The following SPINK7 variants were observed in gnomAD, a reference collection of about 807,000 sequenced individuals.
SPINK7 encodes serine protease inhibitor Kazal-type 7.
A neutral mutation model predicts 11.6 loss-of-function variants in SPINK7; 8 were observed. That is an observed-to-expected ratio of 0.69 (90% CI 0.41 to 1.25). The LOEUF is 1.25. Among genes scored for constraint, SPINK7 ranks in the 50% most tolerant of loss-of-function variants. The pLI, the probability that SPINK7 is intolerant of heterozygous loss-of-function variation, is 0.01. For missense variants in SPINK7, 113 were observed against 99.3 expected (o/e 1.14, Z -0.58); for synonymous variants, 38 against 35.3 (o/e 1.08, Z -0.27).
At chr5:148,314,506 C>T in intron 3 of SPINK7, 1 of 473,722 alleles carries the variant, frequency 2.1e-6, no homozygotes, top group Non-Finnish European at 3.8e-6. Context: ...ACTGCTGTCC[C>T]CAGAGCACAG....
intron 3 of SPINK7, 106 bp downstream of exon 3, chr5:148,314,330 A>G: frequency 2.7e-5 from 35 of 1,305,048 alleles, no homozygotes; most frequent in Non-Finnish European, 3.7e-5. Context: ...TGTAATTTAT[A>G]ATTATTCCCA....
chr5:148,314,648 GC>G (rs1274303180), intron 3 of SPINK7: 1 of 160,820 alleles, frequency 6.2e-6, no homozygotes, highest in African/African-American at 2.4e-5. Flanking sequence ...TGAAGAAAGG[GC>G]CCTGAATCCC....
Position 148,312,533 on chromosome 5 carries a change from G to A in SPINK7, c.50G>A (p.Cys17Tyr). ...LLLLCTVVYFCSSSEAASLSP... is the reference protein window; with the variant it reads ...LLLLCTVVYFYSSSEAASLSP... Reference sequence around the variant, plus strand: ...CTGCTCTGTACAGTGGTCTATTTCTGTAGCAGCTCAGGTAAGTTAAGGTCA... The same window carrying A: ...CTGCTCTGTACAGTGGTCTATTTCTATAGCAGCTCAGGTAAGTTAAGGTCA... The change falls in exon 1 of 4, where the codon TGT becomes TAT. Residue 17 changes from cysteine to tyrosine, a missense_variant. Physicochemically the swap from Cys to Tyr is radical, Grantham distance 194. Transcript: ENST00000274565. 8 of 1,606,410 alleles carry A rather than the reference G, an allele frequency of 5.0e-6. No homozygotes were observed. Among genetic ancestry groups the A allele is most frequent in the Non-Finnish European group, 6.8e-6 (8 of 1,174,396 alleles).
At chr5:148,315,590 A>G in intron 3 of SPINK7, 49 bp from the exon 4 acceptor site, 1 of 1,204,912 alleles carries the variant, frequency 8.3e-7, no homozygotes, top group South Asian at 1.2e-5. Context: ...AACATTACAT[A>G]AAATTTCCTC....
chr5:148,313,071 A>G (rs1245509898), intron 1 of SPINK7, among the ~76,000 whole-genome samples: 3 of 152,090 alleles, frequency 2.0e-5, no homozygotes, highest in Non-Finnish European at 4.4e-5. Context: ...GATGATTTTA[A>G]TACTTCTTAT....
Position 148,312,527 on chromosome 5 carries a change from A to T in SPINK7, c.44A>T (p.Tyr15Phe). The T allele has an allele frequency of 6.2e-7, 1 of 1,608,708 alleles. No homozygotes were observed. The change falls in exon 1 of 4, where the codon TAT (tyrosine) becomes TTT (phenylalanine). Residue 15 changes from tyrosine (Y) to phenylalanine (F), a missense_variant. Physicochemically the swap from Tyr to Phe is conservative, Grantham distance 22. Coordinates refer to ENST00000274565, the MANE Select transcript of SPINK7 (RefSeq NM_032566.3). ...CTCCTTCTGCTCTGTACAGTGGTCT[A>T]TTTCTGTAGCAGCTCAGGTAAGTTA... Reference protein sequence around the residue: ...GGLLLLCTVVYFCSSSEAASL... With the variant: ...GGLLLLCTVVFFCSSSEAASL...
intron 3 of SPINK7, 83 bp from the exon 4 acceptor site, chr5:148,315,546 CTGCCTCATAA>C (rs1425061162): frequency 1.5e-6 from 1 of 675,576 alleles, no homozygotes; most frequent in East Asian, 2.6e-5. Context: ...AAATGAGGTG[CTGCCTCATAA>C]TCTCTATAGT....
intron 1 of SPINK7, 101 bp downstream of exon 1, chr5:148,312,645 AT>A (rs1756875413): frequency 1.4e-6 from 1 of 708,730 alleles, no homozygotes; most frequent in Middle Eastern, 2.9e-4. Flanking sequence ...GGTTGTAAGA[AT>A]TTAAAGTGTA....
At chr5:148,313,880 T>C (rs1238235073) in intron 2 of SPINK7, 3 of 567,000 alleles carry the variant, frequency 5.3e-6, no homozygotes, top group Non-Finnish European at 9.2e-6. Context: ...GTTTAACGCC[T>C]AGCCCAGAAA....
chr5:148,314,339 C>T (rs1442082412), intron 3 of SPINK7, 115 bp downstream of exon 3: 2 of 1,202,496 alleles, frequency 1.7e-6, no homozygotes, highest in Non-Finnish European at 2.4e-6. Flanking sequence ...TAATTATTCC[C>T]ACCCAGAACA....
intron 2 of SPINK7, chr5:148,313,869 A>C (rs1182121017): frequency 1.9e-6 from 1 of 537,386 alleles, no homozygotes; most frequent in East Asian, 2.8e-5. Context: ...GCAAGATTTA[A>C]GTTTAACGCC....
At chr5:148,313,992 C>G (rs1284327364) in intron 2 of SPINK7, 108 bp from the exon 3 acceptor site, 6 of 1,419,258 alleles carry the variant, frequency 4.2e-6, no homozygotes, top group Non-Finnish European at 4.9e-6. Context: ...AGTGGCCAAG[C>G]AACATCTGAA....
At position 148,314,218 on chromosome 5, in the gene SPINK7, A is replaced by G; in HGVS notation, c.206A>G (p.Glu69Gly). The G allele has an allele frequency of 6.2e-7, 1 of 1,613,656 alleles. No homozygotes were observed. Among genetic ancestry groups the G allele is most frequent in the Non-Finnish European group, 8.5e-7 (1 of 1,179,678 alleles). The change falls in exon 3 of 4, where the codon GAG (glutamate) becomes GGG (glycine). Residue 69 changes from glutamate (E) to glycine (G), a missense_variant. Glu to Gly is a moderately conservative substitution (Grantham distance 98). Coordinates refer to ENST00000274565, the MANE Select transcript of SPINK7 (RefSeq NM_032566.3). ...GGGAATGAATGTCACTTGTGTACCGAGAGCTTGTGAGTACCTCATAAGAAG... is the reference window on the plus strand; with the variant it reads ...GGGAATGAATGTCACTTGTGTACCGGGAGCTTGTGAGTACCTCATAAGAAG... ...TYGNECHLCT[E>G]SLKSNGRVQF...
At chr5:148,313,821 T>C (rs2113398749) in intron 2 of SPINK7, 1 of 500,734 alleles carries the variant, frequency 2.0e-6, no homozygotes, top group African/African-American at 1.9e-5. Context: ...TAGTAGAATT[T>C]ACTCTAGTTG....
Position 148,315,892 on chromosome 5 carries a change from C to A in SPINK7, c.*208C>A. 5.1e-6 allele frequency: 2 copies of A among 391,690 alleles called. No homozygotes were observed. Among genetic ancestry groups the A allele is most frequent in the Admixed American group, 4.3e-5 (1 of 23,456 alleles). The allele number at this position is 391,690 out of a possible 1,614,324, so 24.3% of individuals were successfully genotyped here. ...ACAGACCAGCATTTTTTTTTTAACA[C>A]GTCAATAAAAAAATAATCTCCCAGA... On this transcript the variant is annotated 3_prime_UTR_variant, in exon 4 of 4. Coordinates refer to ENST00000274565, the MANE Select transcript of SPINK7 (RefSeq NM_032566.3).
intron 2 of SPINK7, chr5:148,313,858 T>C: frequency 5.7e-6 from 3 of 525,086 alleles, no homozygotes; most frequent in Non-Finnish European, 1.0e-5. Context: ...AGAAAATTCA[T>C]GCAAGATTTA....
At chr5:148,313,994 A>G in intron 2 of SPINK7, 106 bp from the exon 3 acceptor site, 1 of 1,431,972 alleles carries the variant, frequency 7.0e-7, no homozygotes, top group Non-Finnish European at 9.6e-7. Context: ...TGGCCAAGCA[A>G]CATCTGAATA....
chr5:148,315,851 A>G lies in SPINK7; in HGVS notation c.*167A>G, dbSNP rs1233597747. On this transcript the variant is annotated 3_prime_UTR_variant, in exon 4 of 4. Transcript: ENST00000274565. ...AGAAAGTTTCTGTGCTACCCCTACA[A>G]ACCCATGCCTCACTGACAGACCAGC... 4.4e-6 allele frequency: 2 copies of G among 454,012 alleles called. No individual in the cohort carries two copies. Among genetic ancestry groups the G allele is most frequent in the Non-Finnish European group, 8.0e-6 (2 of 250,164 alleles). The allele number at this position is 454,012 out of a possible 1,614,324, so 28.1% of individuals were successfully genotyped here.
intron 3 of SPINK7, 93 bp downstream of exon 3, chr5:148,314,317 A>T: frequency 2.1e-6 from 3 of 1,400,610 alleles, no homozygotes; most frequent in Non-Finnish European, 3.0e-6. Context: ...AATCTCTATA[A>T]GCTGTAATTT....
Sources: gnomAD v4.1 joint callset for allele counts (sites outside exome capture counted in the v4.1 genomes callset) on GRCh38, gnomAD v4.1.1 for gene constraint, MANE v1.5 for transcripts, NCBI Gene and HGNC (gene_info 2026-07-23, HGNC 2026-07-21) for gene names.